Variants in AMBRA1 observed in about 807,000 individuals in gnomAD.
The protein encoded by AMBRA1 is activating molecule in BECN1-regulated autophagy protein 1.
Under a neutral mutation model 125.4 loss-of-function variants are expected in AMBRA1, and 47 were observed. That is an observed-to-expected ratio of 0.37 (90% CI 0.30 to 0.48). The LOEUF (loss-of-function observed/expected upper bound fraction) is 0.48. AMBRA1 is among the 20% of genes least tolerant of loss of function. The probability of loss-of-function intolerance (pLI) is 0.99; values close to 1 mark genes in which losing one functional copy is unlikely to be tolerated. For missense variants in AMBRA1, 1,331 were observed against 1,693.4 expected, an observed-to-expected ratio of 0.79 and a Z score of 3.76; for synonymous variants, 626 against 655.5, an observed-to-expected ratio of 0.95 and a Z score of 0.69.
intron 17 of AMBRA1, among the ~76,000 whole-genome samples, chr11:46,399,305 C>A (rs570983858): frequency 6.6e-6 from 1 of 151,748 alleles, no homozygotes; most frequent in Non-Finnish European, 1.5e-5. Context: ...AACTCCTGAC[C>A]TCAGGTAATC....
chr11:46,528,972 A>G (rs562569892), intron 7 of AMBRA1, among the ~76,000 whole-genome samples: 20 of 152,162 alleles, frequency 1.3e-4, no homozygotes, highest in Non-Finnish European at 2.4e-4. Context: ...GCAGCAAAGG[A>G]AAAGGGCACA....
intron 1 of AMBRA1, among the ~76,000 whole-genome samples, chr11:46,569,934 C>T (rs1320969637): frequency 1.3e-5 from 2 of 152,016 alleles, no homozygotes; most frequent in African/African-American, 4.8e-5. Flanking sequence ...GCACTCCAGC[C>T]TGGGTGACAG....
At chr11:46,425,200 A>G (rs1471379204) in intron 14 of AMBRA1, among the ~76,000 whole-genome samples, 1 of 152,158 alleles carries the variant, frequency 6.6e-6, no homozygotes, top group Non-Finnish European at 1.5e-5. Context: ...AGAGCACAAC[A>G]CAAGTTCTTG....
chr11:46,545,167 G>T lies in AMBRA1; in HGVS notation c.551+437C>A, dbSNP rs1322110759. On this transcript the variant is annotated intron_variant, in intron 5 of 17. Transcript: ENST00000683756. ...TTAAAAAAAAAAAAAAAGCCGGGGG[G>T]GGGGGGGTGGTGGTGGGCATGGTGG... Among the ~76,000 whole-genome samples the T allele has an allele frequency of 3.2e-4, 46 of 141,624 alleles. 3 individuals are homozygous for T. The highest frequency in any genetic ancestry group is 1.0e-3 in the East Asian group (5 of 4,868). 92.9% of individuals were successfully genotyped at this position (141,624 alleles called of 152,430 possible). A position where few individuals can be genotyped will look rare whatever the true frequency, so the allele number is the denominator to read the frequency against.
At chr11:46,562,297 C>T (rs375091868) in intron 1 of AMBRA1, among the ~76,000 whole-genome samples, 1 of 151,964 alleles carries the variant, frequency 6.6e-6, no homozygotes, top group Non-Finnish European at 1.5e-5. Flanking sequence ...ATGTGAAGGC[C>T]GGAAATAAGG....
chr11:46,535,451 T>C (rs563597948), intron 7 of AMBRA1, among the ~76,000 whole-genome samples: 1 of 152,274 alleles, frequency 6.6e-6, no homozygotes, highest in South Asian at 2.1e-4. Context: ...AGAGCACACA[T>C]TTTCTCAAAC....
intron 11 of AMBRA1, among the ~76,000 whole-genome samples, chr11:46,451,107 CAT>C (rs1203386737): frequency 6.6e-6 from 1 of 152,186 alleles, no homozygotes; most frequent in East Asian, 1.9e-4. Context: ...CATGGTAGTT[CAT>C]ATCTATCATA....
chr11:46,482,395 G>A (rs987884998), intron 11 of AMBRA1, among the ~76,000 whole-genome samples: 10 of 152,214 alleles, frequency 6.6e-5, no homozygotes, highest in Non-Finnish European at 1.2e-4. Flanking sequence ...AACGGAAACC[G>A]TAAAAGACTG....
At chr11:46,540,974 A>G (rs900170374) in intron 7 of AMBRA1, among the ~76,000 whole-genome samples, 2 of 152,212 alleles carry the variant, frequency 1.3e-5, no homozygotes, top group Non-Finnish European at 2.9e-5. Context: ...TAACAAGTAC[A>G]TTATGTGCAT....
intron 1 of AMBRA1, among the ~76,000 whole-genome samples, chr11:46,550,893 TG>T: frequency 6.8e-6 from 1 of 146,362 alleles, no homozygotes; most frequent in Admixed American, 6.9e-5. Context: ...GAGACCATCC[TG>T]GCTAACACAG....
chr11:46,455,653 G>A (rs543210721), intron 11 of AMBRA1, among the ~76,000 whole-genome samples: 6 of 152,284 alleles, frequency 3.9e-5, no homozygotes, highest in Admixed American at 1.3e-4. Flanking sequence ...CATGCCATCC[G>A]GCCTGGTGAG....
chr11:46,404,216 T>C (rs1160319283), intron 17 of AMBRA1, among the ~76,000 whole-genome samples: 1 of 152,120 alleles, frequency 6.6e-6, no homozygotes, highest in Non-Finnish European at 1.5e-5. Context: ...TAAATAAATC[T>C]TGGTGCCTGT....
At chr11:46,397,989 G>C in intron 17 of AMBRA1, 46 bp from the exon 18 acceptor site, 1 of 1,535,616 alleles carries the variant, frequency 6.5e-7, no homozygotes, top group Non-Finnish European at 8.7e-7. Flanking sequence ...CTGCTGGCCT[G>C]GGCCTCTGAG....
rs60423999 is a variant in AMBRA1, at chr11:46,511,610, T to C, written c.2159+1117A>G. ...AACCTGCCAACCCCACAACTGTAAA[T>C]TACCCTTTTCTTTTGGCAAAGCCTC... On this transcript the variant is annotated intron_variant, in intron 8 of 17. Coordinates refer to ENST00000683756, the MANE Select transcript of AMBRA1 (RefSeq NM_001387011.1). Among the ~76,000 whole-genome samples the C allele has an allele frequency of 1.5e-3, 236 of 152,360 alleles. 2 individuals are homozygous for C. Among genetic ancestry groups the C allele is most frequent in the African/African-American group, 5.4e-3 (226 of 41,582 alleles).
At chr11:46,499,530 T>A (rs1257656490) in intron 9 of AMBRA1, among the ~76,000 whole-genome samples, 1 of 152,244 alleles carries the variant, frequency 6.6e-6, no homozygotes, top group African/African-American at 2.4e-5. Context: ...TCAGGTAAAG[T>A]ATGTATTTTA....
At chr11:46,404,107 T>G (rs1945889993) in intron 17 of AMBRA1, among the ~76,000 whole-genome samples, 1 of 152,152 alleles carries the variant, frequency 6.6e-6, no homozygotes. Context: ...GAGGATCCCT[T>G]GAGCCCAGGA....
intron 16 of AMBRA1, among the ~76,000 whole-genome samples, chr11:46,409,571 G>A (rs946271251): frequency 2.0e-5 from 3 of 152,208 alleles, no homozygotes; most frequent in African/African-American, 7.2e-5. Flanking sequence ...CTTGCAGGTA[G>A]GGAGCACAGG....
chr11:46,481,590 C>G (rs1237275122), intron 11 of AMBRA1, among the ~76,000 whole-genome samples: 1 of 152,056 alleles, frequency 6.6e-6, no homozygotes, highest in Non-Finnish European at 1.5e-5. Flanking sequence ...CTCGAACTCC[C>G]GACTTCAGGT....
At chr11:46,427,192 C>T (rs1395141039) in intron 14 of AMBRA1, among the ~76,000 whole-genome samples, 1 of 152,168 alleles carries the variant, frequency 6.6e-6, no homozygotes, top group Non-Finnish European at 1.5e-5. Context: ...TATATAAATT[C>T]TGGTCAGTGC....
Sources: allele counts gnomAD v4.1 joint callset (sites outside exome capture counted in the v4.1 genomes callset), GRCh38; gene constraint gnomAD v4.1.1; transcripts MANE v1.5; gene names NCBI Gene and HGNC (gene_info 2026-07-23, HGNC 2026-07-21).